Variants in PLCXD3 observed in about 807,000 individuals in gnomAD.
PLCXD3 encodes PI-PLC X domain-containing protein 3.
Under a neutral mutation model 25.5 loss-of-function variants are expected in PLCXD3, and 19 were observed. The ratio of observed to expected loss-of-function variants is 0.75; its 90% CI spans 0.52 to 1.09. PLCXD3 has a LOEUF of 1.09. PLCXD3 is among the 50% of genes least tolerant of loss of function. PLCXD3 has a pLI of 0.00. For missense variants in PLCXD3, 411 were observed against 388.1 expected (o/e 1.06, Z -0.50); for synonymous variants, 174 against 137.6 (o/e 1.26, Z -1.85).
At chr5:41,363,623 A>G (rs945136802) in intron 2 of PLCXD3, among the ~76,000 whole-genome samples, 2 of 152,208 alleles carry the variant, frequency 1.3e-5, no homozygotes, top group African/African-American at 2.4e-5. Flanking sequence ...GTTCATGAGG[A>G]AAGAAAAATC....
At chr5:41,408,087 A>G (rs542252365) in intron 1 of PLCXD3, among the ~76,000 whole-genome samples, 90 of 152,316 alleles carry the variant, frequency 5.9e-4, no homozygotes, top group African/African-American at 1.9e-3. Context: ...AACAGCATCA[A>G]TATTCAGATT....
chr5:41,510,528 G>A lies in PLCXD3; in HGVS notation c.-2C>T. ...GTTTTTCCCCTGAGACGAGGCCATC[G>A]TGCCAGTCGGCGTGCAGCGCGCTGG... is the stretch of plus-strand genomic sequence containing the variant. On this transcript the variant is annotated 5_prime_UTR_variant, in exon 1 of 3. The change creates a new upstream start codon in the 5' untranslated region. Transcript: ENST00000377801. 2 of 1,612,358 alleles carry A rather than the reference G, an allele frequency of 1.2e-6. No individual in the cohort carries two copies. The highest frequency in any genetic ancestry group is 8.5e-7 in the Non-Finnish European group (1 of 1,178,978).
chr5:41,394,798 C>A (rs1208132637), intron 1 of PLCXD3, among the ~76,000 whole-genome samples: 4 of 151,834 alleles, frequency 2.6e-5, no homozygotes, highest in Non-Finnish European at 5.9e-5. Flanking sequence ...ATATATGCAC[C>A]CAACAGTGGA....
intron 1 of PLCXD3, among the ~76,000 whole-genome samples, chr5:41,442,408 G>C (rs1018604097): frequency 6.6e-6 from 1 of 152,156 alleles, no homozygotes; most frequent in Non-Finnish European, 1.5e-5. Flanking sequence ...ACACATTAAA[G>C]TAATAATAAA....
At chr5:41,352,000 CA>C (rs1744476287) in intron 2 of PLCXD3, among the ~76,000 whole-genome samples, 1 of 152,144 alleles carries the variant, frequency 6.6e-6, no homozygotes, top group Non-Finnish European at 1.5e-5. Context: ...GTGACTATTG[CA>C]TTTCAAAACT....
At chr5:41,376,334 C>T (rs1745295926) in intron 2 of PLCXD3, among the ~76,000 whole-genome samples, 1 of 152,098 alleles carries the variant, frequency 6.6e-6, no homozygotes, top group Non-Finnish European at 1.5e-5. Context: ...CTGTTTCCCC[C>T]TTTAAACTGG....
intron 2 of PLCXD3, among the ~76,000 whole-genome samples, chr5:41,340,021 G>A (rs769376188): frequency 2.6e-5 from 4 of 152,140 alleles, no homozygotes; most frequent in Non-Finnish European, 5.9e-5. Flanking sequence ...CAGATAAATG[G>A]CTCTCTGTTT....
rs148796054 is a variant in PLCXD3 at position 41,417,190 on chromosome 5, C to T, written c.104-34656G>A. ...CCCTACATGACACTTATTACTATTA[C>T]CCATTGAGGGCTGCCTAAGGGTCCC... On this transcript the variant is annotated intron_variant, in intron 1 of 2. Transcript: ENST00000377801. Among the ~76,000 whole-genome samples, 1,189 of 152,282 alleles carry T rather than the reference C, an allele frequency of 7.8e-3. 10 individuals carry two copies. The highest frequency in any genetic ancestry group is 0.026 in the African/African-American group (1,090 of 41,560).
At chr5:41,490,311 T>C (rs1477624293) in intron 1 of PLCXD3, among the ~76,000 whole-genome samples, 1 of 152,250 alleles carries the variant, frequency 6.6e-6, no homozygotes, top group East Asian at 1.9e-4. Context: ...GATAAGCTTT[T>C]TGACATGCTG....
intron 1 of PLCXD3, among the ~76,000 whole-genome samples, chr5:41,500,708 GC>G (rs142156971): frequency 6.6e-6 from 1 of 151,872 alleles, no homozygotes; most frequent in East Asian, 1.9e-4. Context: ...GGCACCAAAA[GC>G]AAAAATAAAC....
intron 1 of PLCXD3, among the ~76,000 whole-genome samples, chr5:41,484,141 T>C (rs1233149059): frequency 6.6e-6 from 1 of 152,004 alleles, no homozygotes; most frequent in Non-Finnish European, 1.5e-5. Flanking sequence ...ATTAGGGGTA[T>C]AGGGGGCCGC....
At position 41,403,280 on chromosome 5, in the gene PLCXD3, C is replaced by CTT. The variant is rs538471301; in HGVS notation, c.104-20748_104-20747dup. Among the ~76,000 whole-genome samples the CTT allele has an allele frequency of 2.7e-3, 376 of 137,448 alleles. 2 individuals are homozygous for CTT. The highest frequency in any genetic ancestry group is 8.8e-3 in the African/African-American group (331 of 37,596). The allele number at this position is 137,448 out of a possible 152,430, so 90.2% of individuals were successfully genotyped here. A position where few individuals can be genotyped will look rare whatever the true frequency, so the allele number is the denominator to read the frequency against. ...AAAACAAGATTAGAAAAGAGGAACT[C>CTT]TTTTTTTTTTTTTCTATTTAAAGGC... On this transcript the variant is annotated intron_variant, in intron 1 of 2. Transcript: ENST00000377801.
chr5:41,392,063 G>A (rs1356364200), intron 1 of PLCXD3, among the ~76,000 whole-genome samples: 1 of 152,126 alleles, frequency 6.6e-6, no homozygotes, highest in Non-Finnish European at 1.5e-5. Context: ...GACCTATAAG[G>A]TTTTTGATTC....
intron 1 of PLCXD3, among the ~76,000 whole-genome samples, chr5:41,505,323 T>C (rs527369356): frequency 6.6e-6 from 1 of 152,310 alleles, no homozygotes; most frequent in South Asian, 2.1e-4. Context: ...TATATATGCT[T>C]GTACTCCATG....
chr5:41,411,865 T>C (rs1293856543), intron 1 of PLCXD3, among the ~76,000 whole-genome samples: 2 of 83,486 alleles, frequency 2.4e-5, no homozygotes, highest in Non-Finnish European at 5.5e-5. Flanking sequence ...TGTATCCATA[T>C]ATATATCTCC....
intron 1 of PLCXD3, among the ~76,000 whole-genome samples, chr5:41,419,590 C>A (rs1054093613): frequency 1.3e-5 from 2 of 152,070 alleles, no homozygotes; most frequent in Non-Finnish European, 2.9e-5. Context: ...CCAGAGATAG[C>A]CAAGCAAAAT....
At chr5:41,494,059 G>C (rs189084335) in intron 1 of PLCXD3, among the ~76,000 whole-genome samples, 11 of 152,312 alleles carry the variant, frequency 7.2e-5, no homozygotes, top group Admixed American at 4.6e-4. Flanking sequence ...GACCAGAGCT[G>C]TTCCTATTCA....
At chr5:41,331,470 A>G (rs572454501) in intron 2 of PLCXD3, among the ~76,000 whole-genome samples, 1 of 152,332 alleles carries the variant, frequency 6.6e-6, no homozygotes, top group East Asian at 1.9e-4. Context: ...AGAATATTCC[A>G]TGCTTATGGG....
At chr5:41,423,083 TTC>T (rs1359781694) in intron 1 of PLCXD3, among the ~76,000 whole-genome samples, 1 of 152,256 alleles carries the variant, frequency 6.6e-6, no homozygotes, top group African/African-American at 2.4e-5. Context: ...AAATTATTTT[TTC>T]TTTTTTTATC....
Sources: allele counts gnomAD v4.1 joint callset (sites outside exome capture counted in the v4.1 genomes callset), GRCh38; gene constraint gnomAD v4.1.1; transcripts MANE v1.5; gene names NCBI Gene and HGNC (gene_info 2026-07-23, HGNC 2026-07-21).